PHLPP1: variants seen among roughly 807,000 people sequenced by gnomAD.
PHLPP1 encodes PH domain leucine-rich repeat-containing protein phosphatase 1.
In PHLPP1, 42 loss-of-function variants were observed where a neutral mutation model predicts 117.2. The ratio of observed to expected loss-of-function variants is 0.36; its 90% CI spans 0.28 to 0.46. PHLPP1 has a LOEUF of 0.46. Ranked by LOEUF, PHLPP1 falls within the 20% of genes least tolerant of loss-of-function variation. The pLI is 1.00. For synonymous variants in PHLPP1, 1,042 were observed against 970.7 expected (o/e 1.07, Z -1.37); for missense variants, 2,084 against 2,241.9 (o/e 0.93, Z 1.42).
chr18:62,795,414 G>A (rs181222160), intron 1 of PHLPP1, among the ~76,000 whole-genome samples: 9 of 148,758 alleles, frequency 6.1e-5, no homozygotes, highest in East Asian at 2.0e-4. Context: ...GGAGGTGGAG[G>A]TTGCAGTGAG....
intron 1 of PHLPP1, among the ~76,000 whole-genome samples, chr18:62,800,459 T>C (rs1913745782): frequency 6.6e-6 from 1 of 152,186 alleles, no homozygotes; most frequent in Non-Finnish European, 1.5e-5. Flanking sequence ...TAATATTAGG[T>C]ATATAGTGGT....
chr18:62,725,028 A>AT (rs902366467), intron 1 of PHLPP1, among the ~76,000 whole-genome samples: 1 of 152,216 alleles, frequency 6.6e-6, no homozygotes, highest in African/African-American at 2.4e-5. Context: ...TGGGAGAAAA[A>AT]TTTAAGCATG....
intron 1 of PHLPP1, among the ~76,000 whole-genome samples, chr18:62,722,408 A>G (rs1234961769): frequency 1.3e-5 from 2 of 152,232 alleles, no homozygotes; most frequent in Non-Finnish European, 2.9e-5. Context: ...CGCTCAATAG[A>G]AAAACGATTC....
At chr18:62,914,655 C>T (rs969252694) in intron 8 of PHLPP1, among the ~76,000 whole-genome samples, 7 of 152,168 alleles carry the variant, frequency 4.6e-5, no homozygotes, top group South Asian at 4.1e-4. Flanking sequence ...AGGCTGATCT[C>T]GAACTCTTGG....
intron 16 of PHLPP1, among the ~76,000 whole-genome samples, chr18:62,976,340 G>T (rs1911186826): frequency 6.6e-6 from 1 of 152,184 alleles, no homozygotes; most frequent in South Asian, 2.1e-4. Flanking sequence ...ACTGTGGTGT[G>T]TGTGTTTGGA....
At position 62,941,837 on chromosome 18, in the gene PHLPP1, A is replaced by C; in HGVS notation, c.3080A>C (p.Lys1027Thr). 1 of 1,614,018 alleles carries C rather than the reference A, an allele frequency of 6.2e-7. No homozygotes were observed. Among genetic ancestry groups the C allele is most frequent in the Non-Finnish European group, 8.5e-7 (1 of 1,179,852 alleles). Residue 1027 changes from lysine to threonine, a missense_variant, in exon 11 of 17, where the codon AAA becomes ACA. Lys to Thr is a moderately conservative substitution (Grantham distance 78). Transcript: ENST00000262719. ...LYLTNNSLTD[K>T]CVPLLTGHPH... ...TTGACAAATAACAGCCTCACAGACA[A>C]ATGTGTGCCCTTGTTAACGGGACAC... is the stretch of plus-strand genomic sequence containing the variant.
intron 2 of PHLPP1, among the ~76,000 whole-genome samples, chr18:62,833,201 G>A (rs1007273319): frequency 1.4e-4 from 21 of 152,112 alleles, no homozygotes; most frequent in African/African-American, 4.8e-4. Flanking sequence ...AGCCTCCTGA[G>A]TAGCTGGGAC....
intron 12 of PHLPP1, among the ~76,000 whole-genome samples, chr18:62,947,235 A>G (rs1310155307): frequency 1.3e-5 from 2 of 152,262 alleles, no homozygotes; most frequent in African/African-American, 4.8e-5. Context: ...TACTTCCTTT[A>G]TAGTATTGTT....
chr18:62,814,553 T>C (rs1306037023), intron 1 of PHLPP1, among the ~76,000 whole-genome samples: 1 of 152,214 alleles, frequency 6.6e-6, no homozygotes, highest in African/African-American at 2.4e-5. Context: ...GCTTTAGAGT[T>C]TTATCAGTCT....
intron 1 of PHLPP1, among the ~76,000 whole-genome samples, chr18:62,811,308 G>T (rs1195281824): frequency 6.6e-6 from 1 of 152,116 alleles, no homozygotes; most frequent in South Asian, 2.1e-4. Context: ...GAACAATAAA[G>T]AAACTGGTAA....
chr18:62,846,942 T>A (rs930856638), intron 3 of PHLPP1, among the ~76,000 whole-genome samples: 2 of 152,218 alleles, frequency 1.3e-5, no homozygotes, highest in Non-Finnish European at 2.9e-5. Flanking sequence ...GTAGCGGCTC[T>A]TGTTTCTGAA....
At chr18:62,823,607 A>G (rs955026495) in intron 1 of PHLPP1, among the ~76,000 whole-genome samples, 4 of 149,580 alleles carry the variant, frequency 2.7e-5, no homozygotes, top group Non-Finnish European at 4.4e-5. Flanking sequence ...TATCTACATA[A>G]ATATATATAT....
chr18:62,937,409 G>C lies in PHLPP1; in HGVS notation c.2961-4309G>C, dbSNP rs576762288. On this transcript the variant is annotated intron_variant, in intron 10 of 16. Coordinates refer to ENST00000262719, the MANE Select transcript of PHLPP1 (RefSeq NM_194449.4). ...TTGTTTTAAGAATTGAGTTTGAAAT[G>C]CTGTGCACACGTGGTCTTCACATTA... Among the ~76,000 whole-genome samples, 3 of 152,344 alleles carry C rather than the reference G, an allele frequency of 2.0e-5. No homozygotes were observed. In the South Asian group the frequency reaches 6.2e-4, roughly 32 times the overall value.
At chr18:62,788,064 T>A (rs771867725) in intron 1 of PHLPP1, among the ~76,000 whole-genome samples, 6 of 152,248 alleles carry the variant, frequency 3.9e-5, no homozygotes, top group Non-Finnish European at 7.3e-5. Flanking sequence ...TGTTATTTGA[T>A]TTTTTCAATA....
rs560817991 is a variant in PHLPP1, at chr18:62,920,043, G to A, written c.2889G>A (p.Ser963=). ...ARLPERLERT[S]VEVLDVQHNQ... is the part of the protein sequence containing the mutation. ...TGCCTGAAAGGCTAGAAAGAACCTC[G>A]GTGGAGGTCTTGGATGTGCAACACA... Residue 963 remains serine (S), a synonymous_variant, in exon 10 of 17, where the codon TCG becomes TCA. Transcript: ENST00000262719. 16 of 1,613,142 alleles carry A rather than the reference G, an allele frequency of 9.9e-6. No homozygotes were observed. Among genetic ancestry groups the A allele is most frequent in the South Asian group, 6.6e-5 (6 of 90,836 alleles).
intron 1 of PHLPP1, among the ~76,000 whole-genome samples, chr18:62,726,575 G>C (rs1599014746): frequency 7.6e-6 from 1 of 131,696 alleles, no homozygotes; most frequent in African/African-American, 2.8e-5. Flanking sequence ...TTTCTGTTCT[G>C]TTCTGTTCTT....
intron 1 of PHLPP1, among the ~76,000 whole-genome samples, chr18:62,727,630 A>G (rs939813875): frequency 8.6e-5 from 13 of 151,878 alleles, no homozygotes; most frequent in Non-Finnish European, 1.0e-4. Flanking sequence ...AAAAAAAAAA[A>G]AAAGCACTTT....
chr18:62,889,336 G>A (rs905962470), intron 4 of PHLPP1, among the ~76,000 whole-genome samples: 4 of 152,162 alleles, frequency 2.6e-5, no homozygotes, highest in South Asian at 2.1e-4. Context: ...TCTAGGGTAC[G>A]AGTATAAATG....
At position 62,727,203 on chromosome 18, in the gene PHLPP1, G is replaced by A. The variant is rs1911098268; in HGVS notation, c.1576+9944G>A. 2.7e-5 allele frequency among the ~76,000 whole-genome samples: 4 copies of A among 149,936 alleles called. No homozygotes were observed. In the South Asian group the frequency reaches 8.5e-4, roughly 32 times the overall value. On this transcript the variant is annotated intron_variant, in intron 1 of 16. Transcript: ENST00000262719. The stretch of plus-strand genomic sequence containing the variant: ...AGATCAAGCCATTGCACTCCAGCCT[G>A]GGTGACAGAGTGATACTCTGTCTCA...
Sources: gnomAD v4.1 joint callset for allele counts (sites outside exome capture counted in the v4.1 genomes callset) on GRCh38, gnomAD v4.1.1 for gene constraint, MANE v1.5 for transcripts, NCBI Gene and HGNC (gene_info 2026-07-23, HGNC 2026-07-21) for gene names.